The following SLC7A8 variants were observed in gnomAD, a reference collection of about 807,000 sequenced individuals.
The protein encoded by SLC7A8 is large neutral amino acids transporter small subunit 2.
SLC7A8 carries 30 observed loss-of-function variants against 51.2 expected under a neutral mutation model. That is an observed-to-expected ratio of 0.59 (90% CI 0.44 to 0.80). The LOEUF is 0.80. Among genes scored for constraint, SLC7A8 ranks in the 30% least tolerant of loss-of-function variants. The probability of loss-of-function intolerance (pLI) is 0.00; values close to 1 mark genes in which losing one functional copy is unlikely to be tolerated. For missense variants in SLC7A8, 612 were observed against 674.4 expected (o/e 0.91, Z 1.03); for synonymous variants, 257 against 275.8 (o/e 0.93, Z 0.67).
At chr14:23,169,941 G>C (rs1002411145) in intron 1 of SLC7A8, among the ~76,000 whole-genome samples, 6 of 152,144 alleles carry the variant, frequency 3.9e-5, no homozygotes, top group African/African-American at 1.4e-4. Flanking sequence ...ATACACTGGG[G>C]TCAGTCTTCT....
chr14:23,168,582 T>G (rs913506144), intron 1 of SLC7A8, among the ~76,000 whole-genome samples: 1 of 152,060 alleles, frequency 6.6e-6, no homozygotes, highest in Non-Finnish European at 1.5e-5. Flanking sequence ...AAACAATCAA[T>G]AGCAGCAGAA....
intron 3 of SLC7A8, among the ~76,000 whole-genome samples, chr14:23,145,548 T>A (rs1292131312): frequency 1.5e-5 from 2 of 137,164 alleles, no homozygotes; most frequent in African/African-American, 5.8e-5. Flanking sequence ...AAAAAAAAAT[T>A]TTTTTTTTTT....
At chr14:23,160,748 G>A (rs2048916973) in intron 3 of SLC7A8, among the ~76,000 whole-genome samples, 1 of 151,998 alleles carries the variant, frequency 6.6e-6, no homozygotes. Context: ...ATCTTACTTG[G>A]ATCTTTTATA....
intron 7 of SLC7A8, among the ~76,000 whole-genome samples, chr14:23,132,933 G>C (rs113585001): frequency 6.7e-6 from 1 of 150,096 alleles, no homozygotes. Flanking sequence ...ACTATGCCCA[G>C]CCTATGATCT....
At chr14:23,172,514 G>A (rs189938780) in intron 1 of SLC7A8, among the ~76,000 whole-genome samples, 4 of 152,310 alleles carry the variant, frequency 2.6e-5, no homozygotes, top group Admixed American at 2.6e-4. Context: ...CGTAGCCTGG[G>A]GGTGGTGGGG....
chr14:23,140,006 AAAAACAAAAC>A (rs951768551), intron 5 of SLC7A8, among the ~76,000 whole-genome samples: 1 of 152,150 alleles, frequency 6.6e-6, no homozygotes, highest in African/African-American at 2.4e-5. Flanking sequence ...GACCCTGTCT[AAAAACAAAAC>A]AAAACAAAAG....
intron 3 of SLC7A8, among the ~76,000 whole-genome samples, chr14:23,148,159 C>T (rs1019296530): frequency 3.3e-5 from 5 of 152,288 alleles, no homozygotes; most frequent in Middle Eastern, 6.8e-3. Context: ...AAGATATCAA[C>T]GTTCTAATCC....
Position 23,128,402 on chromosome 14 carries a change from C to G in SLC7A8, c.1264-206G>C. 6.6e-7 allele frequency: 1 copy of G among 1,513,276 alleles called. No individual in the cohort carries two copies. Among genetic ancestry groups the G allele is most frequent in the South Asian group, 1.2e-5 (1 of 82,958 alleles). 93.7% of individuals were successfully genotyped at this position (1,513,276 alleles called of 1,614,324 possible). Reference sequence around the variant, plus strand: ...ATGTTGATGAACATGGTCGGTCAGACAGGAAGAGGATGGGGAGGAGTTAGG... The same window carrying G: ...ATGTTGATGAACATGGTCGGTCAGAGAGGAAGAGGATGGGGAGGAGTTAGG... On this transcript the variant is annotated intron_variant, in intron 9 of 10. Transcript: ENST00000316902. The surrounding 1 kb of genome is among the most constrained non-coding windows in gnomAD (Gnocchi z 4.3).
chr14:23,144,648 T>C (rs1194987403), intron 3 of SLC7A8, among the ~76,000 whole-genome samples: 1 of 152,180 alleles, frequency 6.6e-6, no homozygotes, highest in South Asian at 2.1e-4. Context: ...CTGAGAACAT[T>C]TGGTTAGGGT....
At position 23,155,471 on chromosome 14, in the gene SLC7A8, T is replaced by C; in HGVS notation, c.508+9814A>G. The C allele has an allele frequency of 2.8e-6, 4 of 1,417,878 alleles. No homozygotes were observed. In the South Asian group the frequency reaches 6.2e-5, roughly 22 times the overall value. The allele number at this position is 1,417,878 out of a possible 1,614,324, so 87.8% of individuals were successfully genotyped here. ...GCTGAATCACCACCCAGTATTTAGC[T>C]CAGCCAAGAGGCAGGAATACCCAGC... On this transcript the variant is annotated intron_variant, in intron 3 of 10. Transcript: ENST00000316902.
At chr14:23,154,998 CAAAAAA>C (rs33973055) in intron 3 of SLC7A8, among the ~76,000 whole-genome samples, 68 of 89,442 alleles carry the variant, frequency 7.6e-4, no homozygotes, top group South Asian at 3.9e-3. Flanking sequence ...ACACAACAGA[CAAAAAA>C]AAAAAAAAAA....
At chr14:23,147,530 G>C (rs573683536) in intron 3 of SLC7A8, among the ~76,000 whole-genome samples, 4 of 152,268 alleles carry the variant, frequency 2.6e-5, no homozygotes, top group Admixed American at 2.0e-4. Context: ...TTATAATCCT[G>C]GTCCAACTGG....
rs1478096123 is a variant in SLC7A8, at chr14:23,165,959, T to G, written c.356+377A>C. On this transcript the variant is annotated intron_variant, in intron 2 of 10. Coordinates refer to ENST00000316902, the MANE Select transcript of SLC7A8 (RefSeq NM_012244.4). The surrounding 1 kb of genome is among the most constrained non-coding windows in gnomAD (Gnocchi z 4.2). ...TATCCTTGGTAGTGTGAGAAGAGGG[T>G]GCACTCTACCTTAGCTGGCCACTCT... 6.6e-6 allele frequency among the ~76,000 whole-genome samples: 1 copy of G among 152,044 alleles called. No homozygotes were observed. Among genetic ancestry groups the G allele is most frequent in the Non-Finnish European group, 1.5e-5 (1 of 67,996 alleles).
chr14:23,127,172 G>A lies in SLC7A8; in HGVS notation c.*5C>T, dbSNP rs1343992593. 2.5e-6 allele frequency: 4 copies of A among 1,613,934 alleles called. No homozygotes were observed. The highest frequency in any genetic ancestry group is 1.1e-5 in the South Asian group (1 of 91,072). ...AAGGAGAGAGTAGCCAGGGAATGGT[G>A]GTCCTCAGGGCTGGGGCTGCCCCGC... is the stretch of plus-strand genomic sequence containing the variant. On this transcript the variant is annotated 3_prime_UTR_variant, in exon 11 of 11. Transcript: ENST00000316902.
At chr14:23,161,699 G>A (rs1016796683) in intron 3 of SLC7A8, among the ~76,000 whole-genome samples, 2 of 152,082 alleles carry the variant, frequency 1.3e-5, no homozygotes, top group Admixed American at 1.3e-4. Context: ...AGGCTGAGGC[G>A]GGTGGATCAC....
intron 1 of SLC7A8, among the ~76,000 whole-genome samples, chr14:23,169,895 C>G (rs1284175208): frequency 1.3e-5 from 2 of 152,150 alleles, no homozygotes; most frequent in Non-Finnish European, 2.9e-5. Flanking sequence ...TCTGTCACAG[C>G]CTCCAGCTTT....
chr14:23,175,656 G>A (rs2048995914), intron 1 of SLC7A8, among the ~76,000 whole-genome samples: 1 of 152,172 alleles, frequency 6.6e-6, no homozygotes, highest in African/African-American at 2.4e-5. Flanking sequence ...TCTGCTCTTT[G>A]AGGGAATGTA....
Position 23,125,649 on chromosome 14 carries a change from A to G in SLC7A8, c.*1528T>C, listed in dbSNP as rs1039638127. 2.0e-5 allele frequency: 3 copies of G among 152,680 alleles called. No individual in the cohort carries two copies. Among genetic ancestry groups the G allele is most frequent in the South Asian group, 2.1e-4 (1 of 4,828 alleles). The allele number at this position is 152,680 out of a possible 1,614,324, so 9.5% of individuals were successfully genotyped here. A position where few individuals can be genotyped will look rare whatever the true frequency, so the allele number is the denominator to read the frequency against. On this transcript the variant is annotated 3_prime_UTR_variant, in exon 11 of 11. Coordinates refer to ENST00000316902, the MANE Select transcript of SLC7A8 (RefSeq NM_012244.4). ...TCAGACCAAACTTGGCATCTCACCA[A>G]CTATGGGGTGGGCAAGCTGGGCGGG...
intron 7 of SLC7A8, among the ~76,000 whole-genome samples, chr14:23,137,194 A>G (rs2048698346): frequency 6.6e-6 from 1 of 152,210 alleles, no homozygotes; most frequent in Non-Finnish European, 1.5e-5. Context: ...CCCTGGATGC[A>G]TGGAGGCAGG....
Sources: gnomAD v4.1 joint callset for allele counts (sites outside exome capture counted in the v4.1 genomes callset) on GRCh38, gnomAD v4.1.1 for gene constraint, Gnocchi (gnomAD v3.1) non-coding constraint, MANE v1.5 for transcripts, NCBI Gene and HGNC (gene_info 2026-07-23, HGNC 2026-07-21) for gene names.